The following ATXN7 variants were observed in gnomAD, a reference collection of about 807,000 sequenced individuals.
ATXN7 encodes the protein ataxin 7, also known as ataxin-7.
In ATXN7, 12 loss-of-function variants were observed where a neutral mutation model predicts 70.5. The ratio of observed to expected loss-of-function variants is 0.17; its 90% CI spans 0.11 to 0.28. The LOEUF is 0.28. Ranked by LOEUF, ATXN7 falls within the 10% of genes least tolerant of loss-of-function variation. The pLI is 1.00. For missense variants in ATXN7, 1,256 were observed against 1,131.7 expected, an observed-to-expected ratio of 1.11 and a Z score of -1.58; for synonymous variants, 498 against 448.7, an observed-to-expected ratio of 1.11 and a Z score of -1.39.
chr3:63,873,013 G>C (rs1702642542), intron 1 of ATXN7, among the ~76,000 whole-genome samples: 1 of 152,084 alleles, frequency 6.6e-6, no homozygotes, highest in South Asian at 2.1e-4. Flanking sequence ...GGGAGGGAGA[G>C]AGGAAGGGTG....
intron 4 of ATXN7, among the ~76,000 whole-genome samples, chr3:63,932,679 A>G (rs368790732): frequency 2.4e-4 from 36 of 152,084 alleles, no homozygotes; most frequent in African/African-American, 7.7e-4. Flanking sequence ...GTGTAGGTAC[A>G]CTTTCCTTTT....
At position 63,970,926 on chromosome 3, in the gene ATXN7, T is replaced by TC. The variant is rs1559650961; in HGVS notation, c.500-8989_500-8988insC. Among the ~76,000 whole-genome samples the TC allele has an allele frequency of 1.2e-4, 19 of 152,336 alleles. No individual in the cohort carries two copies. In the South Asian group the frequency reaches 3.9e-3, roughly 32 times the overall value. The stretch of plus-strand genomic sequence containing the variant: ...GTCATAAAGCGCTGACTTCAAGAGC[T>TC]TGATAATTTGATTAGGACCTTTGGT... On this transcript the variant is annotated intron_variant, in intron 5 of 12. Coordinates refer to ENST00000674280, the MANE Select transcript of ATXN7 (RefSeq NM_001377405.1).
chr3:63,984,138 G>A (rs1040195763), intron 8 of ATXN7, among the ~76,000 whole-genome samples: 8 of 151,502 alleles, frequency 5.3e-5, no homozygotes, highest in African/African-American at 1.7e-4. Context: ...TATAGATTTT[G>A]TCTTACAACA....
At chr3:63,940,098 A>G (rs543636000) in intron 4 of ATXN7, among the ~76,000 whole-genome samples, 2 of 152,266 alleles carry the variant, frequency 1.3e-5, no homozygotes, top group South Asian at 4.1e-4. Context: ...GGGGGCTTCA[A>G]AGAGTTCCAC....
chr3:63,913,710 TGCA>T lies in ATXN7; in HGVS notation c.394+486_394+488del, dbSNP rs1197225582. On this transcript the variant is annotated intron_variant, in intron 4 of 12. Transcript: ENST00000674280. ...AGAAAAAGGTCATCATAACCCGGAG[TGCA>T]TTTTGGTCAGATTTTTTGCGAGCTG... 9.8e-5 allele frequency among the ~76,000 whole-genome samples: 15 copies of T among 152,332 alleles called. No individual in the cohort carries two copies. The South Asian group carries it at 3.1e-3, about 32-fold the overall frequency.
At chr3:63,974,420 C>G (rs2075360556) in intron 5 of ATXN7, among the ~76,000 whole-genome samples, 1 of 152,208 alleles carries the variant, frequency 6.6e-6, no homozygotes, top group African/African-American at 2.4e-5. Context: ...TTATCCCTGC[C>G]CCTCCATCAT....
chr3:63,964,934 A>G (rs1053783379), intron 5 of ATXN7, among the ~76,000 whole-genome samples: 2 of 152,210 alleles, frequency 1.3e-5, no homozygotes, highest in Admixed American at 6.5e-5. Flanking sequence ...TGAGACAGTG[A>G]AGTGGAGTTA....
chr3:63,911,053 C>G (rs1250861279), intron 2 of ATXN7, among the ~76,000 whole-genome samples: 1 of 152,068 alleles, frequency 6.6e-6, no homozygotes, highest in Non-Finnish European at 1.5e-5. Flanking sequence ...AAAAGAATTC[C>G]ACTTCCTCCC....
intron 5 of ATXN7, among the ~76,000 whole-genome samples, chr3:63,955,306 C>G (rs560605938): frequency 2.0e-5 from 3 of 152,140 alleles, no homozygotes; most frequent in Non-Finnish European, 4.4e-5. Flanking sequence ...GCCAAGTGCT[C>G]TGAGAGAGGG....
chr3:63,915,606 C>G (rs1402919187), intron 4 of ATXN7, among the ~76,000 whole-genome samples: 1 of 152,034 alleles, frequency 6.6e-6, no homozygotes, highest in African/African-American at 2.4e-5. Flanking sequence ...CATACTGATT[C>G]CTCTTGTTAA....
Position 63,990,225 on chromosome 3 carries a change from C to T in ATXN7, c.1411C>T (p.Pro471Ser), listed in dbSNP as rs1407005353. The T allele has an allele frequency of 1.2e-6, 2 of 1,613,890 alleles. No individual in the cohort carries two copies. The highest frequency in any genetic ancestry group is 1.1e-5 in the South Asian group (1 of 91,064). The change falls in exon 10 of 13, where the codon CCT becomes TCT. Residue 471 changes from proline to serine, a missense_variant. Physicochemically the swap from Pro to Ser is moderately conservative, Grantham distance 74. Transcript: ENST00000674280. ...QQGGSAPIDP[P>S]PVHESPHPPL... ...AGGTGGGAGTGCCCCCATTGACCCT[C>T]CTCCAGTCCATGAATCTCCACACCC...
chr3:63,920,365 G>GA (rs1372435106), intron 4 of ATXN7, among the ~76,000 whole-genome samples: 1 of 152,086 alleles, frequency 6.6e-6, no homozygotes, highest in Non-Finnish European at 1.5e-5. Flanking sequence ...TACAGATGAG[G>GA]AAACTACGAC....
chr3:63,939,946 G>T (rs1412894733), intron 4 of ATXN7, among the ~76,000 whole-genome samples: 1 of 151,900 alleles, frequency 6.6e-6, no homozygotes, highest in Non-Finnish European at 1.5e-5. Context: ...CTCATTCTGT[G>T]ACCTATTCCT....
chr3:63,986,543 G>T (rs1036118085), intron 8 of ATXN7, among the ~76,000 whole-genome samples: 3 of 152,160 alleles, frequency 2.0e-5, no homozygotes, highest in African/African-American at 7.2e-5. Context: ...TTCAACACAC[G>T]TTGGAGGGCC....
Position 63,912,714 on chromosome 3 carries a change from A to AGCAGCC in ATXN7, c.118_119insAGCCGC (p.Gln39_Pro40insGlnPro), listed in dbSNP as rs770364745. On this transcript the variant is annotated inframe_insertion, in exon 3 of 13. Transcript: ENST00000674280. The stretch of plus-strand genomic sequence containing the variant: ...CAGCAGCAGCAGCAGCAGCAGCAGC[A>AGCAGCC]GCCGCCGCCTCCGCAGCCCCAGCGG... 2.1e-3 allele frequency: 2,518 copies of AGCAGCC among 1,212,244 alleles called. 3 individuals are homozygous for AGCAGCC. The highest frequency in any genetic ancestry group is 5.5e-3 in the African/African-American group (337 of 61,334). 75.1% of individuals were successfully genotyped at this position (1,212,244 alleles called of 1,614,324 possible). A position where few individuals can be genotyped will look rare whatever the true frequency, so the allele number is the denominator to read the frequency against.
At chr3:63,863,825 CAAGCTGAGGCGGCGGTTGGCGGCGGCGG>C (rs1702310550), upstream of ATXN7, 2 of 1,156,258 alleles carry the variant, frequency 1.7e-6, no homozygotes, top group Non-Finnish European at 2.2e-6. Context: ...GGCGGCGGCG[CAAGCTGAGGCGGCGGTTGGCGGCGGCGG>C]AGGTCAAACT....
At position 63,988,067 on chromosome 3, in the gene ATXN7, C is replaced by T. The variant is rs1382964462; in HGVS notation, c.1104C>T (p.Ser368=). ...CTRSLTCKTH[S]LTQRRAVQGR... ...ATTTTTTTGGTCCACAGACACATTC[C>T]TTAACCCAGCGCAGGGCTGTCCAGG... Residue 368 remains serine (S), a synonymous_variant, in exon 9 of 13, where the codon TCC becomes TCT. Coordinates refer to ENST00000674280, the MANE Select transcript of ATXN7 (RefSeq NM_001377405.1). 1 of 1,613,866 alleles carries T rather than the reference C, an allele frequency of 6.2e-7. No homozygotes were observed. Among genetic ancestry groups the T allele is most frequent in the African/African-American group, 1.3e-5 (1 of 74,858 alleles).
chr3:63,908,156 TTTCC>T (rs1158215092), intron 2 of ATXN7, among the ~76,000 whole-genome samples: 1 of 152,332 alleles, frequency 6.6e-6, no homozygotes, highest in East Asian at 1.9e-4. Flanking sequence ...CTCTTGCAAC[TTTCC>T]TTATTATTCC....
intron 4 of ATXN7, among the ~76,000 whole-genome samples, chr3:63,928,173 C>T (rs761603472): frequency 6.6e-6 from 1 of 152,164 alleles, no homozygotes; most frequent in Admixed American, 6.5e-5. Flanking sequence ...CAGTGGCTCA[C>T]GCCTGTAATC....
Sources: gnomAD v4.1 joint callset for allele counts (sites outside exome capture counted in the v4.1 genomes callset) on GRCh38, gnomAD v4.1.1 for gene constraint, MANE v1.5 for transcripts, NCBI Gene and HGNC (gene_info 2026-07-23, HGNC 2026-07-21) for gene names.